The following GABRG3 variants were observed in gnomAD, a reference collection of about 807,000 sequenced individuals.
GABRG3 encodes gamma-aminobutyric acid receptor subunit gamma-3.
GABRG3 carries 25 observed loss-of-function variants against 48.8 expected under a neutral mutation model. That is an observed-to-expected ratio of 0.51 (90% CI 0.37 to 0.72). GABRG3 has a LOEUF of 0.72. GABRG3 is among the 30% of genes least tolerant of loss of function. The probability of loss-of-function intolerance (pLI) is 0.00; values close to 1 mark genes in which losing one functional copy is unlikely to be tolerated. For synonymous variants in GABRG3, 227 were observed against 217.6 expected (o/e 1.04, Z -0.38); for missense variants, 394 against 577.9 (o/e 0.68, Z 3.26).
At chr15:27,491,631 A>G (rs1890357419) in intron 6 of GABRG3, among the ~76,000 whole-genome samples, 1 of 152,234 alleles carries the variant, frequency 6.6e-6, no homozygotes, top group Non-Finnish European at 1.5e-5. Context: ...ACTTGTGTTC[A>G]GTTAGTATTT....
chr15:27,433,550 C>T (rs1203943602), intron 5 of GABRG3, among the ~76,000 whole-genome samples: 1 of 152,188 alleles, frequency 6.6e-6, no homozygotes, highest in African/African-American at 2.4e-5. Flanking sequence ...AGTGGATTTT[C>T]AGACGTCTTT....
chr15:27,155,076 C>G (rs1898394407), intron 3 of GABRG3, among the ~76,000 whole-genome samples: 1 of 151,730 alleles, frequency 6.6e-6, no homozygotes, highest in South Asian at 2.1e-4. Flanking sequence ...TTTTTTCAGT[C>G]TGTTTTCTTG....
At chr15:27,282,191 T>C (rs1214056650) in intron 3 of GABRG3, among the ~76,000 whole-genome samples, 1 of 152,222 alleles carries the variant, frequency 6.6e-6, no homozygotes, top group Non-Finnish European at 1.5e-5. Context: ...TAATGTGTCT[T>C]GGTATGGATT....
chr15:27,139,811 GA>G (rs1383142668), intron 3 of GABRG3, among the ~76,000 whole-genome samples: 2 of 152,190 alleles, frequency 1.3e-5, no homozygotes, highest in African/African-American at 4.8e-5. Context: ...CCAGTGACCA[GA>G]AAGATCAAGG....
Position 27,270,061 on chromosome 15 carries a change from C to A in GABRG3, c.271-56748C>A, listed in dbSNP as rs192906065. 7.9e-5 allele frequency among the ~76,000 whole-genome samples: 12 copies of A among 152,144 alleles called. No homozygotes were observed. The East Asian group carries it at 2.3e-3, about 29-fold the overall frequency. On this transcript the variant is annotated intron_variant, in intron 3 of 9. Coordinates refer to ENST00000615808, the MANE Select transcript of GABRG3 (RefSeq NM_033223.5). The stretch of plus-strand genomic sequence containing the variant: ...CCCAAAATTCAAAGAAATTCAAGTC[C>A]ATTGCAAAAGGGAAGTCAGGAATAG...
intron 3 of GABRG3, among the ~76,000 whole-genome samples, chr15:27,053,935 A>T (rs747351437): frequency 7.9e-5 from 12 of 152,218 alleles, no homozygotes; most frequent in Non-Finnish European, 1.3e-4. Context: ...ATACACATGG[A>T]CATAAAGATG....
intron 3 of GABRG3, among the ~76,000 whole-genome samples, chr15:27,207,880 A>G (rs1433595203): frequency 1.3e-5 from 2 of 152,154 alleles, no homozygotes; most frequent in African/African-American, 2.4e-5. Context: ...TTCAGGGAAA[A>G]GACATCATAA....
At chr15:27,467,823 C>A (rs79294316) in intron 5 of GABRG3, among the ~76,000 whole-genome samples, 2 of 152,198 alleles carry the variant, frequency 1.3e-5, no homozygotes, top group Non-Finnish European at 2.9e-5. Flanking sequence ...CCCTAATCCA[C>A]GTTTTGCTTT....
chr15:27,143,234 A>G (rs1243844760), intron 3 of GABRG3, among the ~76,000 whole-genome samples: 1 of 152,098 alleles, frequency 6.6e-6, no homozygotes, highest in African/African-American at 2.4e-5. Context: ...ATGTGCCACC[A>G]CGCCTGGATA....
rs555957943 is a variant in GABRG3 at position 27,365,768 on chromosome 15, TA to T, written c.574+36883del. 6 of 152,222 alleles carry T rather than the reference TA, an allele frequency of 3.9e-5. No individual in the cohort carries two copies. The South Asian group carries it at 1.2e-3, about 32-fold the overall frequency. 9.4% of individuals were successfully genotyped at this position (152,222 alleles called of 1,614,324 possible). ...GACAGAATTATTACTCATTAAAAAA[TA>T]AAGAACCAGAGTACAAAGTCCTATC... On this transcript the variant is annotated intron_variant, in intron 5 of 9. Coordinates refer to ENST00000615808, the MANE Select transcript of GABRG3 (RefSeq NM_033223.5).
chr15:27,068,348 C>A (rs1348133143), intron 3 of GABRG3, among the ~76,000 whole-genome samples: 1 of 152,140 alleles, frequency 6.6e-6, no homozygotes, highest in Non-Finnish European at 1.5e-5. Context: ...CTGGAGGAGC[C>A]ATCCACACTG....
chr15:27,470,929 A>G (rs1889770830), intron 5 of GABRG3, among the ~76,000 whole-genome samples: 1 of 151,448 alleles, frequency 6.6e-6, no homozygotes. Flanking sequence ...TTTGTTTAAT[A>G]TTTAGATCCC....
At chr15:27,063,759 C>T (rs895024821) in intron 3 of GABRG3, among the ~76,000 whole-genome samples, 11 of 152,146 alleles carry the variant, frequency 7.2e-5, no homozygotes, top group Admixed American at 2.0e-4. Context: ...TGCAGCCTGG[C>T]GTCAATCACT....
At chr15:27,167,568 A>G (rs1476366776) in intron 3 of GABRG3, among the ~76,000 whole-genome samples, 1 of 152,040 alleles carries the variant, frequency 6.6e-6, no homozygotes, top group Non-Finnish European at 1.5e-5. Context: ...AATAACATAA[A>G]TCCCTCCACA....
intron 3 of GABRG3, among the ~76,000 whole-genome samples, chr15:27,093,233 C>A (rs1897220691): frequency 6.6e-6 from 1 of 152,082 alleles, no homozygotes; most frequent in Non-Finnish European, 1.5e-5. Flanking sequence ...GGCAGGAGAG[C>A]TGTGATGAAG....
chr15:27,304,402 A>G (rs1892320883), intron 3 of GABRG3, among the ~76,000 whole-genome samples: 1 of 152,002 alleles, frequency 6.6e-6, no homozygotes, highest in Non-Finnish European at 1.5e-5. Flanking sequence ...AGGTATATTT[A>G]TTTTTTTAAA....
chr15:27,249,179 G>T (rs1035449461), intron 3 of GABRG3, among the ~76,000 whole-genome samples: 3 of 152,158 alleles, frequency 2.0e-5, no homozygotes, highest in Non-Finnish European at 2.9e-5. Context: ...TGGAAGCTGC[G>T]TCCCGGCCAC....
At chr15:27,200,029 C>T (rs1407951817) in intron 3 of GABRG3, among the ~76,000 whole-genome samples, 1 of 151,854 alleles carries the variant, frequency 6.6e-6, no homozygotes, top group African/African-American at 2.4e-5. Context: ...TCCTCCCTTA[C>T]TTTCTCCCTC....
At chr15:27,288,280 C>T (rs1012593331) in intron 3 of GABRG3, among the ~76,000 whole-genome samples, 1 of 152,048 alleles carries the variant, frequency 6.6e-6, no homozygotes, top group African/African-American at 2.4e-5. Flanking sequence ...CAGGATGATT[C>T]AAGCACATTA....
Sources: gnomAD v4.1 joint callset for allele counts (sites outside exome capture counted in the v4.1 genomes callset) on GRCh38, gnomAD v4.1.1 for gene constraint, MANE v1.5 for transcripts, NCBI Gene and HGNC (gene_info 2026-07-23, HGNC 2026-07-21) for gene names.